FOXP1: variants seen among roughly 807,000 people sequenced by gnomAD.
FOXP1 encodes the protein forkhead box protein P1.
Under a neutral mutation model 98.2 loss-of-function variants are expected in FOXP1, and 15 were observed. That is an observed-to-expected ratio of 0.15 (90% CI 0.10 to 0.24). The LOEUF is 0.24. Among genes scored for constraint, FOXP1 ranks in the 10% least tolerant of loss-of-function variants. FOXP1 has a pLI of 1.00. For missense variants in FOXP1, 633 were observed against 848.5 expected (o/e 0.75, Z 3.15); for synonymous variants, 371 against 314.5 (o/e 1.18, Z -1.90).
chr3:71,545,142 G>A (rs576352736), intron 2 of FOXP1, among the ~76,000 whole-genome samples: 4 of 151,658 alleles, frequency 2.6e-5, no homozygotes, highest in Non-Finnish European at 2.9e-5. Flanking sequence ...ATGTACATGC[G>A]CGCATATGCT....
At chr3:71,095,546 C>A (rs1383212452) in intron 7 of FOXP1, among the ~76,000 whole-genome samples, 1 of 152,048 alleles carries the variant, frequency 6.6e-6, no homozygotes, top group African/African-American at 2.4e-5. Flanking sequence ...CCATATTTTG[C>A]AGAATGAGCA....
intron 3 of FOXP1, among the ~76,000 whole-genome samples, chr3:71,372,115 C>T (rs1440594141): frequency 3.3e-5 from 5 of 151,518 alleles, no homozygotes; most frequent in African/African-American, 7.3e-5. Flanking sequence ...AGGGTTCAAG[C>T]GATTCTTCTG....
chr3:71,062,415 T>G (rs570654331), intron 7 of FOXP1, among the ~76,000 whole-genome samples: 2 of 152,340 alleles, frequency 1.3e-5, no homozygotes, highest in South Asian at 2.1e-4. Flanking sequence ...AAAAGTTCGC[T>G]AATTTTGTTT....
chr3:71,520,316 A>T (rs942074188), intron 2 of FOXP1, among the ~76,000 whole-genome samples: 3 of 152,236 alleles, frequency 2.0e-5, no homozygotes, highest in Non-Finnish European at 4.4e-5. Flanking sequence ...TAAAAAACAT[A>T]TATCCATTTC....
intron 3 of FOXP1, among the ~76,000 whole-genome samples, chr3:71,456,829 A>G (rs1257253433): frequency 6.6e-6 from 1 of 150,994 alleles, no homozygotes; most frequent in South Asian, 2.1e-4. Flanking sequence ...TTTCTGTGAT[A>G]TATCTATGTC....
Position 71,565,643 on chromosome 3 carries a change from G to A in FOXP1, c.-298+15906C>T, listed in dbSNP as rs149491712. ...GGTAGTCAAAATGTAACTAAAAGCCGTATTTGTTGCAGAAATGGTAACTAT... is the reference window on the plus strand; with the variant it reads ...GGTAGTCAAAATGTAACTAAAAGCCATATTTGTTGCAGAAATGGTAACTAT... On this transcript the variant is annotated intron_variant, in intron 2 of 20. Transcript: ENST00000649528. 3.8e-4 allele frequency among the ~76,000 whole-genome samples: 58 copies of A among 152,306 alleles called. 1 individual carries two copies. The highest frequency in any genetic ancestry group is 1.3e-3 in the African/African-American group (54 of 41,576).
intron 4 of FOXP1, among the ~76,000 whole-genome samples, chr3:71,345,538 T>G (rs1180554914): frequency 1.3e-5 from 2 of 152,074 alleles, no homozygotes; most frequent in East Asian, 1.9e-4. Flanking sequence ...CAGTTCTAAC[T>G]GCCTTTTTCT....
chr3:71,473,757 A>G (rs1004512133), intron 3 of FOXP1, among the ~76,000 whole-genome samples: 2 of 152,202 alleles, frequency 1.3e-5, no homozygotes, highest in African/African-American at 2.4e-5. Context: ...TGATATTAGG[A>G]GCTGTGTGGG....
chr3:71,412,972 T>C (rs1221488829), intron 3 of FOXP1, among the ~76,000 whole-genome samples: 2 of 152,086 alleles, frequency 1.3e-5, no homozygotes, highest in African/African-American at 4.8e-5. Flanking sequence ...AAGGAGGAAT[T>C]TCAGTAGGTG....
At chr3:71,084,930 A>C (rs1258951581) in intron 7 of FOXP1, among the ~76,000 whole-genome samples, 1 of 152,166 alleles carries the variant, frequency 6.6e-6, no homozygotes, top group East Asian at 1.9e-4. Context: ...GTTACCAGGG[A>C]GGATGAGGCA....
At chr3:71,218,718 C>A (rs1011336833) in intron 5 of FOXP1, among the ~76,000 whole-genome samples, 23 of 152,184 alleles carry the variant, frequency 1.5e-4, no homozygotes, top group African/African-American at 5.6e-4. Flanking sequence ...TGTTTTCCAA[C>A]TGTTCCAATA....
chr3:71,289,929 T>A (rs2107490722), intron 5 of FOXP1: 1 of 152,400 alleles, frequency 6.6e-6, no homozygotes, highest in South Asian at 2.1e-4. Context: ...AGAACCCAGA[T>A]CCTGGAACTC....
intron 4 of FOXP1, among the ~76,000 whole-genome samples, chr3:71,301,532 T>C (rs2073845856): frequency 6.6e-6 from 1 of 152,186 alleles, no homozygotes; most frequent in Non-Finnish European, 1.5e-5. Flanking sequence ...CGCCTTTTCC[T>C]CTCTCCTTTT....
At chr3:71,379,197 G>A (rs1002750221) in intron 3 of FOXP1, among the ~76,000 whole-genome samples, 21 of 151,976 alleles carry the variant, frequency 1.4e-4, no homozygotes, top group African/African-American at 4.6e-4. Flanking sequence ...TCTGTGTGAT[G>A]GTTGGGAGAA....
intron 3 of FOXP1, among the ~76,000 whole-genome samples, chr3:71,383,448 G>GT (rs1560404149): frequency 6.6e-6 from 1 of 152,178 alleles, no homozygotes; most frequent in Non-Finnish European, 1.5e-5. Context: ...CAGAAAATAA[G>GT]TATCAATGAG....
chr3:71,521,242 G>C (rs997921173), intron 2 of FOXP1, among the ~76,000 whole-genome samples: 2 of 152,086 alleles, frequency 1.3e-5, no homozygotes, highest in Non-Finnish European at 2.9e-5. Context: ...TATAAGAAGG[G>C]GCCAGGAGGC....
chr3:71,012,398 C>T (rs1394115833), intron 12 of FOXP1, among the ~76,000 whole-genome samples: 1 of 152,152 alleles, frequency 6.6e-6, no homozygotes, highest in Admixed American at 6.5e-5. Flanking sequence ...AATATCACTA[C>T]TCTGAATGAT....
chr3:70,979,168 G>A (rs1427192983), intron 14 of FOXP1, among the ~76,000 whole-genome samples: 2 of 151,096 alleles, frequency 1.3e-5, no homozygotes, highest in Non-Finnish European at 3.0e-5. Flanking sequence ...TGTAGTCCCA[G>A]CTACCTAGGA....
At chr3:70,987,905 TG>T in intron 14 of FOXP1, 88 bp downstream of exon 14, 1 of 1,184,070 alleles carries the variant, frequency 8.4e-7, no homozygotes, top group Non-Finnish European at 1.3e-6. Context: ...CAAAGTAGGC[TG>T]GTCCTCCTTC....
Sources: allele counts gnomAD v4.1 joint callset (sites outside exome capture counted in the v4.1 genomes callset), GRCh38; gene constraint gnomAD v4.1.1; transcripts MANE v1.5; gene names NCBI Gene and HGNC (gene_info 2026-07-23, HGNC 2026-07-21).